The following NUMB variants were observed in gnomAD, a reference collection of about 807,000 sequenced individuals.
NUMB encodes NUMB endocytic adaptor protein, also known as protein numb homolog.
In NUMB, 29 loss-of-function variants were observed where a neutral mutation model predicts 59.7. The ratio of observed to expected loss-of-function variants is 0.49; its 90% CI spans 0.36 to 0.66. The LOEUF is 0.66. Among genes scored for constraint, NUMB ranks in the 30% least tolerant of loss-of-function variants. NUMB has a pLI of 0.00. For synonymous variants in NUMB, 288 were observed against 288.2 expected (o/e 1.00, Z 0.01); for missense variants, 723 against 822.0 (o/e 0.88, Z 1.47).
At chr14:73,345,941 G>T (rs952049178) in intron 4 of NUMB, among the ~76,000 whole-genome samples, 2 of 151,844 alleles carry the variant, frequency 1.3e-5, no homozygotes, top group Non-Finnish European at 2.9e-5. Flanking sequence ...AAAATTTAAA[G>T]ATATTTAATT....
chr14:73,451,905 CATA>C (rs1379584592), intron 1 of NUMB, among the ~76,000 whole-genome samples: 1 of 152,020 alleles, frequency 6.6e-6, no homozygotes, highest in African/African-American at 2.4e-5. Context: ...ATCAAGTTAC[CATA>C]ATTAAGATTT....
chr14:73,279,195 T>G lies in NUMB; in HGVS notation c.1240+86A>C, dbSNP rs573393636. 4.2e-5 allele frequency: 62 copies of G among 1,479,138 alleles called. No individual in the cohort carries two copies. In the East Asian group the frequency reaches 1.4e-3, roughly 32 times the overall value. The allele number at this position is 1,479,138 out of a possible 1,614,324, so 91.6% of individuals were successfully genotyped here. Reference sequence around the variant, plus strand: ...TTTTCCTGAAAGGATTCCTCCCTAGTTCCCACTCAGCTAACTGGCTGAGTT... The same window carrying G: ...TTTTCCTGAAAGGATTCCTCCCTAGGTCCCACTCAGCTAACTGGCTGAGTT... On this transcript the variant is annotated intron_variant, in intron 12 of 12. Transcript: ENST00000555238.
intron 2 of NUMB, among the ~76,000 whole-genome samples, chr14:73,400,697 C>T (rs185244374): frequency 1.3e-5 from 2 of 152,290 alleles, no homozygotes; most frequent in Admixed American, 1.3e-4. Context: ...AAGCTGATTA[C>T]AAATGGCCAA....
chr14:73,344,396 G>T (rs144370703), intron 4 of NUMB, among the ~76,000 whole-genome samples: 3 of 152,136 alleles, frequency 2.0e-5, no homozygotes, highest in African/African-American at 7.2e-5. Context: ...AATAAGAAAT[G>T]CTTGTTATTA....
intron 2 of NUMB, among the ~76,000 whole-genome samples, chr14:73,371,015 T>C (rs1894646871): frequency 1.8e-5 from 2 of 113,392 alleles, no homozygotes; most frequent in Admixed American, 2.0e-4. Context: ...CCCAGGCTGA[T>C]CTTGAACTCC....
chr14:73,414,016 A>G (rs1222558105), intron 1 of NUMB, among the ~76,000 whole-genome samples: 7 of 148,650 alleles, frequency 4.7e-5, no homozygotes, highest in African/African-American at 1.5e-4. Context: ...GTGCAGTGGC[A>G]CGATCTCAGC....
chr14:73,289,317 C>CTTT (rs1465189864), intron 8 of NUMB, among the ~76,000 whole-genome samples: 2 of 152,140 alleles, frequency 1.3e-5, no homozygotes, highest in Non-Finnish European at 2.9e-5. Context: ...CAAAACACTG[C>CTTT]TTTATATAGA....
chr14:73,341,929 T>C (rs1892652712), intron 4 of NUMB, among the ~76,000 whole-genome samples: 1 of 152,144 alleles, frequency 6.6e-6, no homozygotes, highest in Non-Finnish European at 1.5e-5. Flanking sequence ...AACTATTCCC[T>C]TACAACATCA....
intron 2 of NUMB, among the ~76,000 whole-genome samples, chr14:73,389,544 GATCTCCTGACCT>G (rs1338522830): frequency 2.0e-5 from 3 of 151,968 alleles, no homozygotes; most frequent in Non-Finnish European, 4.4e-5. Flanking sequence ...GGATGATCTT[GATCTCCTGACCT>G]TGTGATCTGC....
At chr14:73,391,429 A>T (rs1895847434) in intron 2 of NUMB, among the ~76,000 whole-genome samples, 1 of 151,738 alleles carries the variant, frequency 6.6e-6, no homozygotes, top group Non-Finnish European at 1.5e-5. Flanking sequence ...AAAAGAAAAA[A>T]TCATTTTCAG....
intron 7 of NUMB, among the ~76,000 whole-genome samples, chr14:73,295,259 G>A (rs933224303): frequency 6.6e-6 from 1 of 152,036 alleles, no homozygotes; most frequent in East Asian, 1.9e-4. Context: ...CATGGTATTA[G>A]TTCCCGCTTA....
chr14:73,386,864 C>CTTGTTT (rs1566773800), intron 2 of NUMB, among the ~76,000 whole-genome samples: 1 of 73,808 alleles, frequency 1.4e-5, no homozygotes, highest in South Asian at 5.6e-4. Flanking sequence ...TATCAGGTGT[C>CTTGTTT]TTATTTTTTT....
intron 4 of NUMB, among the ~76,000 whole-genome samples, chr14:73,348,527 T>C (rs1893028691): frequency 6.6e-6 from 1 of 152,180 alleles, no homozygotes; most frequent in African/African-American, 2.4e-5. Flanking sequence ...ATCTCATCAG[T>C]GGCAGTGTTA....
intron 2 of NUMB, among the ~76,000 whole-genome samples, chr14:73,374,831 C>T (rs1452519402): frequency 1.3e-5 from 2 of 151,286 alleles, no homozygotes; most frequent in African/African-American, 2.4e-5. Context: ...AGCGATTCTC[C>T]TGCCTCAGCC....
At chr14:73,298,905 G>T (rs937994370) in intron 6 of NUMB, 1 of 152,136 alleles carries the variant, frequency 6.6e-6, no homozygotes, top group Non-Finnish European at 1.5e-5. Context: ...AAAAAATAAA[G>T]AATACCGTAG....
chr14:73,377,053 T>G (rs1001881130), intron 2 of NUMB, among the ~76,000 whole-genome samples: 1 of 152,242 alleles, frequency 6.6e-6, no homozygotes, highest in Non-Finnish European at 1.5e-5. Flanking sequence ...AACTTAGATA[T>G]AGACCTTAAC....
chr14:73,446,771 TAATA>T (rs1883543373), intron 1 of NUMB, among the ~76,000 whole-genome samples: 1 of 151,072 alleles, frequency 6.6e-6, no homozygotes, highest in Admixed American at 6.6e-5. Context: ...AAAAAAAAAT[TAATA>T]AATAAACATA....
chr14:73,279,851 TAAC>T (rs1249962075), intron 11 of NUMB, among the ~76,000 whole-genome samples: 3 of 152,224 alleles, frequency 2.0e-5, no homozygotes, highest in Admixed American at 6.5e-5. Context: ...CAGATTATGT[TAAC>T]AATAATACTG....
chr14:73,432,943 G>A (rs754735524), intron 1 of NUMB, among the ~76,000 whole-genome samples: 2 of 152,158 alleles, frequency 1.3e-5, no homozygotes, highest in African/African-American at 4.8e-5. Context: ...GGTGGTTCAC[G>A]CCTGTAATCC....
Sources: gnomAD v4.1 joint callset for allele counts (sites outside exome capture counted in the v4.1 genomes callset) on GRCh38, gnomAD v4.1.1 for gene constraint, MANE v1.5 for transcripts, NCBI Gene and HGNC (gene_info 2026-07-23, HGNC 2026-07-21) for gene names.